The following ITGAM variants were observed in gnomAD, a reference collection of about 807,000 sequenced individuals.
The protein encoded by ITGAM is integrin alpha-M.
ITGAM carries 79 observed loss-of-function variants against 137.5 expected under a neutral mutation model. The ratio of observed to expected loss-of-function variants is 0.57; its 90% CI spans 0.48 to 0.69. The LOEUF is 0.69. ITGAM is among the 30% of genes least tolerant of loss of function. ITGAM has a pLI of 0.00. For missense variants in ITGAM, 1,343 were observed against 1,483.5 expected, an observed-to-expected ratio of 0.91 and a Z score of 1.56; for synonymous variants, 583 against 592.3, an observed-to-expected ratio of 0.98 and a Z score of 0.23.
At position 31,325,133 on chromosome 16, in the gene ITGAM, T is replaced by G. The variant is rs937323680; in HGVS notation, c.2363+102T>G. 4 of 1,463,788 alleles carry G rather than the reference T, an allele frequency of 2.7e-6. No homozygotes were observed. The African/African-American group carries it at 5.6e-5, about 21-fold the overall frequency. The allele number at this position is 1,463,788 out of a possible 1,614,324, so 90.7% of individuals were successfully genotyped here. On this transcript the variant is annotated intron_variant, in intron 19 of 29. Transcript: ENST00000544665. ...AAGGGAGCCGGGTGTTCCTGGGCTA[T>G]AAGGTCCGGTGTGGCTGCCCCTCCA...
chr16:31,331,866 T>C lies in ITGAM; in HGVS notation c.*159T>C, dbSNP rs907036662. Reference sequence around the variant, plus strand: ...GTGTGCAAGTGTGTATGTGCGTGTGTGCAAGTGTCTGTGTGCAAGTGTGTG... The same window carrying C: ...GTGTGCAAGTGTGTATGTGCGTGTGCGCAAGTGTCTGTGTGCAAGTGTGTG... On this transcript the variant is annotated 3_prime_UTR_variant, in exon 30 of 30. Transcript: ENST00000544665. 4 of 604,548 alleles carry C rather than the reference T, an allele frequency of 6.6e-6. No individual in the cohort carries two copies. The highest frequency in any genetic ancestry group is 1.9e-5 in the African/African-American group (1 of 52,634). 37.4% of individuals were successfully genotyped at this position (604,548 alleles called of 1,614,324 possible). A position where few individuals can be genotyped will look rare whatever the true frequency, so the allele number is the denominator to read the frequency against.
intron 12 of ITGAM, among the ~76,000 whole-genome samples, chr16:31,288,256 G>A (rs1163726991): frequency 6.6e-6 from 1 of 152,084 alleles, no homozygotes; most frequent in Admixed American, 6.6e-5. Context: ...GACATGCAGG[G>A]CTTGTTCAAT....
At chr16:31,303,038 C>T (rs977760902) in intron 14 of ITGAM, among the ~76,000 whole-genome samples, 7 of 141,098 alleles carry the variant, frequency 5.0e-5, no homozygotes, top group Non-Finnish European at 1.1e-4. Context: ...CTTTCTCTCT[C>T]TTTTTATTTT....
At chr16:31,329,328 C>T (rs756862390) in intron 24 of ITGAM, 25 bp downstream of exon 24, 1 of 1,533,110 alleles carries the variant, frequency 6.5e-7, no homozygotes, top group African/African-American at 1.4e-5. Context: ...CGTCTGGGTC[C>T]TGAGAAGGAG....
In ITGAM at chr16:31,322,344, C is replaced by A. The variant is rs139215924; in HGVS notation, c.2002+717C>A. ...TTTCCTGTGCTGAGGAGATAGCATTCCAGATATGAGAGCAGCCAGCATGGC... is the reference window on the plus strand; with the variant it reads ...TTTCCTGTGCTGAGGAGATAGCATTACAGATATGAGAGCAGCCAGCATGGC... On this transcript the variant is annotated intron_variant, in intron 16 of 29. Transcript: ENST00000544665. Among the ~76,000 whole-genome samples, 453 of 152,188 alleles carry A rather than the reference C, an allele frequency of 3.0e-3. 3 individuals carry two copies. The highest frequency in any genetic ancestry group is 0.01 in the Middle Eastern group (3 of 294).
intron 23 of ITGAM, chr16:31,328,912 CTG>C: frequency 2.2e-6 from 1 of 459,846 alleles, no homozygotes; most frequent in Non-Finnish European, 3.9e-6. Context: ...GTGTGTGTGT[CTG>C]AGGATCTATG....
At chr16:31,271,141 C>T in intron 6 of ITGAM, 57 bp downstream of exon 6, 2 of 1,358,166 alleles carry the variant, frequency 1.5e-6, no homozygotes, top group South Asian at 1.9e-5. Flanking sequence ...AGATACATGG[C>T]AACCGGGCCA....
At chr16:31,277,927 G>T in intron 11 of ITGAM, 40 bp from the exon 12 acceptor site, 2 of 1,552,002 alleles carry the variant, frequency 1.3e-6, no homozygotes, top group African/African-American at 2.7e-5. Flanking sequence ...TGGAGGAGGG[G>T]GCAGGGAATG....
Position 31,324,302 on chromosome 16 carries a change from TCA to T in ITGAM, c.2003-92_2003-91del. The T allele has an allele frequency of 1.0e-6, 1 of 992,834 alleles. No homozygotes were observed. The highest frequency in any genetic ancestry group is 1.5e-6 in the Non-Finnish European group (1 of 661,702). 61.5% of individuals were successfully genotyped at this position (992,834 alleles called of 1,614,324 possible). A position where few individuals can be genotyped will look rare whatever the true frequency, so the allele number is the denominator to read the frequency against. ...GAGAAGTCAGATAACATACCCCAAG[TCA>T]CACAGCTGAGAAGCAGAGGAGCTGG... is the stretch of plus-strand genomic sequence containing the variant. On this transcript the variant is annotated intron_variant, in intron 16 of 29. Transcript: ENST00000544665. The surrounding 1 kb of genome is among the most constrained non-coding windows in gnomAD (Gnocchi z 4.5).
intron 22 of ITGAM, 192 bp downstream of exon 22, chr16:31,327,127 G>A (rs944594739): frequency 8.1e-6 from 5 of 620,482 alleles, no homozygotes; most frequent in Admixed American, 5.6e-5. Flanking sequence ...TGGATCAGAC[G>A]ATAGTGGTTC....
intron 1 of ITGAM, among the ~76,000 whole-genome samples, chr16:31,261,228 GGTCTTTCTCT>G (rs1231490455): frequency 6.7e-6 from 1 of 148,462 alleles, no homozygotes; most frequent in Non-Finnish European, 1.5e-5. Context: ...TTTGATACAG[GGTCTTTCTCT>G]GTTGCCCAGG....
Position 31,312,029 on chromosome 16 carries a change from G to A in ITGAM, c.1708-9212G>A, listed in dbSNP as rs373022567. Among the ~76,000 whole-genome samples, 21 of 149,840 alleles carry A rather than the reference G, an allele frequency of 1.4e-4. No individual in the cohort carries two copies. In the South Asian group the frequency reaches 3.8e-3, roughly 27 times the overall value. On this transcript the variant is annotated intron_variant, in intron 14 of 29. Transcript: ENST00000544665. ...AAACCATCATTCTCAGCAAACTATC[G>A]CAAGGACAAAAAACCAAACACTGCA...
chr16:31,297,255 C>T (rs1216818743), intron 12 of ITGAM, among the ~76,000 whole-genome samples: 1 of 152,160 alleles, frequency 6.6e-6, no homozygotes, highest in African/African-American at 2.4e-5. Flanking sequence ...CAGCCTTAAA[C>T]TCCTTGGCTC....
chr16:31,286,889 T>C (rs796540961), intron 12 of ITGAM, among the ~76,000 whole-genome samples: 29 of 152,344 alleles, frequency 1.9e-4, no homozygotes, highest in African/African-American at 7.0e-4. Context: ...GCAGTTGCTT[T>C]TGAGGGCTTA....
At chr16:31,291,683 G>A (rs1247408021) in intron 12 of ITGAM, among the ~76,000 whole-genome samples, 2 of 151,918 alleles carry the variant, frequency 1.3e-5, no homozygotes, top group Non-Finnish European at 2.9e-5. Context: ...AAACAACCCG[G>A]GCACAGAAAA....
Position 31,331,852 on chromosome 16 carries a change from T to C in ITGAM, c.*145T>C, listed in dbSNP as rs2080588631. The stretch of plus-strand genomic sequence containing the variant: ...GCTTCCATTTGTGTGTGTGCAAGTG[T>C]GTATGTGCGTGTGTGCAAGTGTCTG... On this transcript the variant is annotated 3_prime_UTR_variant, in exon 30 of 30. Transcript: ENST00000544665. 1.6e-6 allele frequency: 1 copy of C among 623,214 alleles called. No individual in the cohort carries two copies. Among genetic ancestry groups the C allele is most frequent in the South Asian group, 1.9e-5 (1 of 51,582 alleles). 38.6% of individuals were successfully genotyped at this position (623,214 alleles called of 1,614,324 possible).
intron 5 of ITGAM, among the ~76,000 whole-genome samples, chr16:31,270,247 G>A (rs930879049): frequency 6.7e-6 from 1 of 149,846 alleles, no homozygotes; most frequent in Non-Finnish European, 1.5e-5. Context: ...AGGCTGGAGT[G>A]CAGTGGTGCG....
intron 14 of ITGAM, among the ~76,000 whole-genome samples, chr16:31,315,453 T>A (rs530890967): frequency 3.3e-5 from 5 of 152,184 alleles, no homozygotes; most frequent in South Asian, 4.1e-4. Context: ...TTAATTTTTT[T>A]ATTTTTTAAT....
intron 14 of ITGAM, among the ~76,000 whole-genome samples, chr16:31,299,321 G>C (rs530533332): frequency 8.5e-4 from 129 of 151,610 alleles, no homozygotes; most frequent in African/African-American, 2.9e-3. Flanking sequence ...TTTTTTTTTA[G>C]TTTTTGAGAC....
Sources: gnomAD v4.1 joint callset for allele counts (sites outside exome capture counted in the v4.1 genomes callset) on GRCh38, gnomAD v4.1.1 for gene constraint, Gnocchi (gnomAD v3.1) non-coding constraint, MANE v1.5 for transcripts, NCBI Gene and HGNC (gene_info 2026-07-23, HGNC 2026-07-21) for gene names.